The following HMCN1 variants were observed in gnomAD, a reference collection of about 807,000 sequenced individuals.
HMCN1 encodes hemicentin 1, also known as hemicentin-1.
HMCN1 carries 321 observed loss-of-function variants against 625.9 expected under a neutral mutation model. The ratio of observed to expected loss-of-function variants is 0.51; its 90% CI spans 0.47 to 0.56. The LOEUF (loss-of-function observed/expected upper bound fraction) is 0.56, where lower values mean the gene tolerates loss of function less well. Ranked by LOEUF, HMCN1 falls within the 20% of genes least tolerant of loss-of-function variation. The pLI is 0.00. For missense variants in HMCN1, 6,588 were observed against 6,887.3 expected (o/e 0.96, Z 1.54); for synonymous variants, 2,425 against 2,417.6 (o/e 1.00, Z -0.09).
chr1:185,949,052 A>G (rs1424786951), intron 11 of HMCN1, among the ~76,000 whole-genome samples: 8 of 151,928 alleles, frequency 5.3e-5, no homozygotes, highest in Non-Finnish European at 1.0e-4. Flanking sequence ...AAAAGGTCTA[A>G]GAATTGGGAT....
intron 97 of HMCN1, among the ~76,000 whole-genome samples, chr1:186,159,080 ATTTG>A (rs1368642186): frequency 1.3e-5 from 2 of 152,040 alleles, no homozygotes; most frequent in Admixed American, 1.3e-4. Context: ...ATGTTCTTCC[ATTTG>A]TTTGTATCCT....
intron 40 of HMCN1, among the ~76,000 whole-genome samples, chr1:186,041,717 A>T (rs987924206): frequency 6.6e-6 from 1 of 152,156 alleles, no homozygotes; most frequent in Non-Finnish European, 1.5e-5. Flanking sequence ...CTCCATTTAT[A>T]TATTAGCTTT....
Position 185,921,718 on chromosome 1 carries a change from A to G in HMCN1, c.901-661A>G, listed in dbSNP as rs138899414. Among the ~76,000 whole-genome samples the G allele has an allele frequency of 1.6e-3, 240 of 152,326 alleles. 2 individuals are homozygous for G. Among genetic ancestry groups the G allele is most frequent in the African/African-American group, 5.5e-3 (228 of 41,572 alleles). The stretch of plus-strand genomic sequence containing the variant: ...TTTTGAGACAGAATCTTGGTAATCT[A>G]TGTAATAAAATAATGGTGAACTCTT... On this transcript the variant is annotated intron_variant, in intron 6 of 106. Coordinates refer to ENST00000271588, the MANE Select transcript of HMCN1 (RefSeq NM_031935.3).
At chr1:185,885,806 A>G (rs982652048) in intron 4 of HMCN1, among the ~76,000 whole-genome samples, 6 of 152,052 alleles carry the variant, frequency 3.9e-5, no homozygotes, top group African/African-American at 1.4e-4. Context: ...CTACCCTGCA[A>G]TTCATAACAC....
intron 4 of HMCN1, among the ~76,000 whole-genome samples, chr1:185,876,873 T>G (rs1663971580): frequency 6.6e-6 from 1 of 152,098 alleles, no homozygotes; most frequent in African/African-American, 2.4e-5. Flanking sequence ...TCTTGTTTAC[T>G]CCACTAGTTA....
chr1:185,876,263 G>C (rs894323769), intron 4 of HMCN1, among the ~76,000 whole-genome samples: 4 of 151,986 alleles, frequency 2.6e-5, no homozygotes, highest in Non-Finnish European at 5.9e-5. Context: ...TTTTATAGCA[G>C]AATAGTATTC....
chr1:185,756,896 T>A (rs971383582), intron 1 of HMCN1, among the ~76,000 whole-genome samples: 1 of 152,156 alleles, frequency 6.6e-6, no homozygotes, highest in Non-Finnish European at 1.5e-5. Flanking sequence ...TTTTTTTCCA[T>A]CCACATGATA....
intron 6 of HMCN1, among the ~76,000 whole-genome samples, chr1:185,919,271 A>G (rs1377979438): frequency 6.6e-6 from 1 of 152,042 alleles, no homozygotes; most frequent in African/African-American, 2.4e-5. Flanking sequence ...CATCAGGTTC[A>G]TAACTCATGA....
Position 185,849,624 on chromosome 1 carries a change from A to T in HMCN1, c.339+3528A>T, listed in dbSNP as rs114104369. 5.0e-3 allele frequency among the ~76,000 whole-genome samples: 764 copies of T among 152,316 alleles called. 10 individuals are homozygous for T. The highest frequency in any genetic ancestry group is 0.018 in the African/African-American group (734 of 41,572). ...TAAATGACTTAATTCGGATCTGCAC[A>T]TAGTAATGAGCATAATTGAGGCATA... On this transcript the variant is annotated intron_variant, in intron 2 of 106. Transcript: ENST00000271588.
intron 1 of HMCN1, among the ~76,000 whole-genome samples, chr1:185,771,257 A>G (rs1397609276): frequency 6.6e-6 from 1 of 152,206 alleles, no homozygotes; most frequent in African/African-American, 2.4e-5. Context: ...TTCTCTACAA[A>G]GGACAGGAGG....
intron 85 of HMCN1, 135 bp downstream of exon 85, chr1:186,130,832 A>G: frequency 1.2e-6 from 1 of 848,580 alleles, no homozygotes; most frequent in Non-Finnish European, 1.9e-6. Flanking sequence ...ACTCCTTTTA[A>G]AAAACTGAAA....
intron 4 of HMCN1, among the ~76,000 whole-genome samples, chr1:185,874,167 A>G (rs1018144227): frequency 1.3e-5 from 2 of 152,026 alleles, no homozygotes; most frequent in African/African-American, 4.8e-5. Context: ...TCTGTATATT[A>G]TGAACCAATG....
In HMCN1 at chr1:186,189,817, G is replaced by A; in HGVS notation, c.16847G>A (p.Gly5616Glu). 6.2e-7 allele frequency: 1 copy of A among 1,613,712 alleles called. No individual in the cohort carries two copies. The highest frequency in any genetic ancestry group is 2.2e-5 in the East Asian group (1 of 44,872). ...CGAGCCTCATCCTACAGTGCCAATG[G>A]GACCATTGAATATCAGACCACATTC... ...RVRASSYSAN[G>E]TIEYQTTFIV... Residue 5616 changes from glycine (G) to glutamate (E), a missense_variant, in exon 107 of 107, where the codon GGG becomes GAG. Transcript: ENST00000271588.
At chr1:185,876,259 A>G (rs1397722883) in intron 4 of HMCN1, among the ~76,000 whole-genome samples, 3 of 152,068 alleles carry the variant, frequency 2.0e-5, no homozygotes, top group Non-Finnish European at 2.9e-5. Flanking sequence ...CTTTTTTTAT[A>G]GCAGAATAGT....
chr1:185,737,134 C>T (rs1653635677), intron 1 of HMCN1, among the ~76,000 whole-genome samples: 1 of 150,652 alleles, frequency 6.6e-6, no homozygotes, highest in African/African-American at 2.4e-5. Flanking sequence ...TTTTTGGCCT[C>T]TTTGTAGTTT....
chr1:186,058,539 A>T (rs1369778680), intron 46 of HMCN1, among the ~76,000 whole-genome samples: 1 of 151,940 alleles, frequency 6.6e-6, no homozygotes, highest in Non-Finnish European at 1.5e-5. Context: ...CTTGTGGTGT[A>T]TTTGGTATCT....
intron 97 of HMCN1, 39 bp from the exon 98 acceptor site, chr1:186,165,072 C>G: frequency 6.3e-7 from 1 of 1,581,106 alleles, no homozygotes; most frequent in Non-Finnish European, 8.7e-7. Context: ...GGCAACTATT[C>G]CAATAAGCCA....
intron 48 of HMCN1, among the ~76,000 whole-genome samples, chr1:186,063,067 C>CGTATAT (rs1491268573): frequency 6.7e-5 from 4 of 59,854 alleles, no homozygotes; most frequent in African/African-American, 3.8e-4. Flanking sequence ...TGTGTGTGTG[C>CGTATAT]ATATATATAT....
Position 185,977,683 on chromosome 1 carries a change from C to A in HMCN1, c.2372-104C>A, listed in dbSNP as rs539581195. The A allele has an allele frequency of 7.8e-5, 63 of 804,022 alleles. No individual in the cohort carries two copies. The Middle Eastern group carries it at 8.2e-4, about 10-fold the overall frequency. 49.8% of individuals were successfully genotyped at this position (804,022 alleles called of 1,614,324 possible). The stretch of plus-strand genomic sequence containing the variant: ...GGGTAAATTTACAATATAATATGAA[C>A]AATAATTCAAATTCAATGATTTGAC... On this transcript the variant is annotated intron_variant, in intron 15 of 106. Transcript: ENST00000271588.
Sources: gnomAD v4.1 joint callset for allele counts (sites outside exome capture counted in the v4.1 genomes callset) on GRCh38, gnomAD v4.1.1 for gene constraint, MANE v1.5 for transcripts, NCBI Gene and HGNC (gene_info 2026-07-23, HGNC 2026-07-21) for gene names.